The following SPACA1 variants were observed in gnomAD, a reference collection of about 807,000 sequenced individuals.
The protein encoded by SPACA1 is sperm acrosome associated 1.
In SPACA1, 17 loss-of-function variants were observed where a neutral mutation model predicts 32.6. That is an observed-to-expected ratio of 0.52 (90% CI 0.36 to 0.78). The LOEUF is 0.78. Among genes scored for constraint, SPACA1 ranks in the 30% least tolerant of loss-of-function variants. The pLI is 0.01. For synonymous variants in SPACA1, 140 were observed against 138.1 expected, an observed-to-expected ratio of 1.01 and a Z score of -0.10; for missense variants, 363 against 373.4, an observed-to-expected ratio of 0.97 and a Z score of 0.23.
At chr6:88,060,036 G>A (rs750544005) in intron 5 of SPACA1, among the ~76,000 whole-genome samples, 7 of 152,108 alleles carry the variant, frequency 4.6e-5, no homozygotes, top group Non-Finnish European at 8.8e-5. Flanking sequence ...TAAGAAATAC[G>A]ATGTCAAAGT....
intron 1 of SPACA1, among the ~76,000 whole-genome samples, chr6:88,052,675 GA>G (rs1468277563): frequency 6.6e-6 from 1 of 151,798 alleles, no homozygotes; most frequent in Non-Finnish European, 1.5e-5. Context: ...CGTCTCTACT[GA>G]AAATACAAAA....
chr6:88,066,095 A>G (rs748731860), intron 6 of SPACA1, 87 bp from the exon 7 acceptor site: 5 of 1,065,536 alleles, frequency 4.7e-6, no homozygotes, highest in African/African-American at 1.6e-5. Flanking sequence ...ACATATATAT[A>G]TATTTCTATA....
chr6:88,056,976 T>C (rs770799049), intron 2 of SPACA1, among the ~76,000 whole-genome samples: 1 of 152,210 alleles, frequency 6.6e-6, no homozygotes, highest in Non-Finnish European at 1.5e-5. Flanking sequence ...TGAATCTAAA[T>C]ATTTAAAGGC....
intron 5 of SPACA1, among the ~76,000 whole-genome samples, chr6:88,063,160 T>C (rs1462696346): frequency 2.6e-5 from 4 of 152,198 alleles, no homozygotes; most frequent in African/African-American, 9.6e-5. Context: ...CATGGTTTCT[T>C]AGACAGCTAA....
intron 1 of SPACA1, among the ~76,000 whole-genome samples, chr6:88,051,798 C>A (rs1252788687): frequency 6.6e-6 from 1 of 152,146 alleles, no homozygotes; most frequent in African/African-American, 2.4e-5. Flanking sequence ...TCTTTTAGAT[C>A]CAGATGTATC....
intron 2 of SPACA1, among the ~76,000 whole-genome samples, chr6:88,054,667 A>G (rs537434760): frequency 1.9e-4 from 29 of 152,188 alleles, no homozygotes; most frequent in African/African-American, 6.5e-4. Flanking sequence ...TGGAAAGAAA[A>G]TAGTGATGAG....
chr6:88,054,712 AC>A (rs1775780613), intron 2 of SPACA1, among the ~76,000 whole-genome samples: 1 of 152,184 alleles, frequency 6.6e-6, no homozygotes, highest in African/African-American at 2.4e-5. Flanking sequence ...GGATAAGAAG[AC>A]AAAATCCATT....
chr6:88,057,780 C>G (rs1448028399), intron 3 of SPACA1, 67 bp downstream of exon 3: 1 of 1,395,352 alleles, frequency 7.2e-7, no homozygotes, highest in Non-Finnish European at 1.0e-6. Context: ...TATTTTTCAC[C>G]TCAGGTTGCC....
At chr6:88,056,534 GA>G in intron 2 of SPACA1, among the ~76,000 whole-genome samples, 1 of 152,148 alleles carries the variant, frequency 6.6e-6, no homozygotes, top group East Asian at 1.9e-4. Context: ...GAGCTTGTTA[GA>G]AATGCAGAAT....
intron 1 of SPACA1, 57 bp downstream of exon 1, chr6:88,048,170 G>T (rs747981584): frequency 3.9e-5 from 58 of 1,487,436 alleles, no homozygotes; most frequent in Non-Finnish European, 4.5e-5. Flanking sequence ...CGGAGCAAAG[G>T]CCTGCTCTTT....
chr6:88,050,138 C>T (rs1244811974), intron 1 of SPACA1, among the ~76,000 whole-genome samples: 2 of 152,070 alleles, frequency 1.3e-5, no homozygotes, highest in African/African-American at 2.4e-5. Flanking sequence ...ATTTACAAAC[C>T]TTGGCAAATA....
chr6:88,048,539 C>G (rs1479950224), intron 1 of SPACA1, among the ~76,000 whole-genome samples: 2 of 152,048 alleles, frequency 1.3e-5, no homozygotes, highest in Non-Finnish European at 2.9e-5. Context: ...TTCAGAATCC[C>G]CCTTTACGAC....
chr6:88,048,129 C>G lies in SPACA1; in HGVS notation c.208+16C>G, dbSNP rs1775672375. ...ACCGAGGATGGTGAGGGCGGGAGCT[C>G]CCTTGCGGGGCACGCGGAGGCCCCT... On this transcript the variant is annotated intron_variant, in intron 1 of 6. Coordinates refer to ENST00000237201, the MANE Select transcript of SPACA1 (RefSeq NM_030960.3). 6.4e-7 allele frequency: 1 copy of G among 1,571,372 alleles called. No individual in the cohort carries two copies. Among genetic ancestry groups the G allele is most frequent in the Non-Finnish European group, 8.6e-7 (1 of 1,157,322 alleles).
At chr6:88,059,715 G>A (rs1356909851) in intron 5 of SPACA1, 127 bp downstream of exon 5, 1 of 904,384 alleles carries the variant, frequency 1.1e-6, no homozygotes, top group Non-Finnish European at 1.6e-6. Flanking sequence ...AGTAGATTTG[G>A]GATGGGACTG....
chr6:88,058,932 G>A (rs1289181531), intron 4 of SPACA1, 110 bp downstream of exon 4: 4 of 646,276 alleles, frequency 6.2e-6, no homozygotes, highest in Non-Finnish European at 5.1e-6. Context: ...TTGCCAAAAC[G>A]AAGTTAAGAA....
chr6:88,064,800 A>G (rs987393834), intron 6 of SPACA1, among the ~76,000 whole-genome samples: 1 of 148,444 alleles, frequency 6.7e-6, no homozygotes, highest in Non-Finnish European at 1.5e-5. Flanking sequence ...CATATAATGT[A>G]TATACAATAT....
intron 5 of SPACA1, among the ~76,000 whole-genome samples, chr6:88,061,656 C>A (rs901382912): frequency 6.6e-6 from 1 of 152,172 alleles, no homozygotes; most frequent in African/African-American, 2.4e-5. Flanking sequence ...TCAGTGAGAG[C>A]ATGGCTCGGC....
intron 2 of SPACA1, among the ~76,000 whole-genome samples, chr6:88,056,173 G>C (rs1775804041): frequency 6.6e-6 from 1 of 152,096 alleles, no homozygotes; most frequent in Non-Finnish European, 1.5e-5. Flanking sequence ...GACCACCATG[G>C]TGAAACCCTG....
chr6:88,066,222 C>T lies in SPACA1; in HGVS notation c.772C>T (p.Pro258Ser). The T allele has an allele frequency of 1.2e-6, 2 of 1,610,668 alleles. No individual in the cohort carries two copies. Among genetic ancestry groups the T allele is most frequent in the East Asian group, 2.2e-5 (1 of 44,814 alleles). Residue 258 changes from proline (P) to serine (S), a missense_variant, in exon 7 of 7, where the codon CCT becomes TCT. Transcript: ENST00000237201. ...KAFWGAKAST[P>S]EVQSEQSSVR... ...TTTCTGGGGGGCAAAAGCCTCTACA[C>T]CTGAGGTACAATCCGAGCAGAGTTC...
Sources: allele counts gnomAD v4.1 joint callset (sites outside exome capture counted in the v4.1 genomes callset), GRCh38; gene constraint gnomAD v4.1.1; transcripts MANE v1.5; gene names NCBI Gene and HGNC (gene_info 2026-07-23, HGNC 2026-07-21).